Variants in MSRA observed in about 807,000 individuals in gnomAD.
MSRA encodes mitochondrial peptide methionine sulfoxide reductase.
In MSRA, 54 loss-of-function variants were observed where a neutral mutation model predicts 31.3. The ratio of observed to expected loss-of-function variants is 1.73; its 90% confidence interval spans 1.39 to 2.17. MSRA has a LOEUF of 2.17. Among genes scored for constraint, MSRA ranks in the 30% most tolerant of loss-of-function variants. The probability of loss-of-function intolerance (pLI) is 0.00; values close to 1 mark genes in which losing one functional copy is unlikely to be tolerated. For synonymous variants in MSRA, 169 were observed against 116.5 expected (o/e 1.45, Z -2.90); for missense variants, 507 against 300.9 (o/e 1.69, Z -5.07).
intron 1 of MSRA, among the ~76,000 whole-genome samples, chr8:10,110,169 A>G (rs1800178520): frequency 6.6e-6 from 1 of 152,312 alleles, no homozygotes; most frequent in South Asian, 2.1e-4. Flanking sequence ...TGTCCACGCT[A>G]ACACCATCAC....
chr8:10,334,488 A>G (rs1030570725), intron 5 of MSRA, among the ~76,000 whole-genome samples: 1 of 152,016 alleles, frequency 6.6e-6, no homozygotes, highest in Non-Finnish European at 1.5e-5. Context: ...AGAGTGAAGC[A>G]GGGTTTGCCG....
intron 5 of MSRA, among the ~76,000 whole-genome samples, chr8:10,360,527 C>G (rs1387192882): frequency 6.6e-6 from 1 of 152,174 alleles, no homozygotes. Flanking sequence ...ATCCCAGAGC[C>G]CCCCAGCAAG....
chr8:10,107,266 GT>G (rs530448541), intron 1 of MSRA, among the ~76,000 whole-genome samples: 1,474 of 145,918 alleles, frequency 0.01, 14 homozygotes, highest in African/African-American at 0.022. Flanking sequence ...TTTCATGAGT[GT>G]TTTTTTTTTT....
chr8:10,407,296 C>T (rs552645606), intron 5 of MSRA, among the ~76,000 whole-genome samples: 2 of 152,316 alleles, frequency 1.3e-5, no homozygotes, highest in South Asian at 4.1e-4. Context: ...ATCAGCTCCC[C>T]TGGGTCCTGG....
At chr8:10,405,042 G>A (rs1378031892) in intron 5 of MSRA, among the ~76,000 whole-genome samples, 1 of 152,194 alleles carries the variant, frequency 6.6e-6, no homozygotes, top group South Asian at 2.1e-4. Context: ...TCTGTTTCCC[G>A]GAGTGTGGTC....
chr8:10,151,284 AAAAAT>A (rs1803651997), intron 1 of MSRA, among the ~76,000 whole-genome samples: 1 of 150,950 alleles, frequency 6.6e-6, no homozygotes, highest in Non-Finnish European at 1.5e-5. Context: ...AAAAAAAAAA[AAAAAT>A]AAGGGCTTCC....
intron 1 of MSRA, among the ~76,000 whole-genome samples, chr8:10,197,732 G>A (rs1190206349): frequency 6.6e-6 from 1 of 152,166 alleles, no homozygotes; most frequent in Non-Finnish European, 1.5e-5. Flanking sequence ...AGCTTGCTCA[G>A]AAGCCCTCTC....
chr8:10,385,777 T>G, intron 5 of MSRA, among the ~76,000 whole-genome samples: 1 of 141,274 alleles, frequency 7.1e-6, no homozygotes, highest in African/African-American at 2.5e-5. Flanking sequence ...GCTGTGGGAG[T>G]GAACTGTGGA....
At chr8:10,402,510 C>G (rs748963294) in intron 5 of MSRA, among the ~76,000 whole-genome samples, 1 of 152,224 alleles carries the variant, frequency 6.6e-6, no homozygotes, top group Non-Finnish European at 1.5e-5. Context: ...ATTCCAATGA[C>G]GCAAGCATCC....
chr8:10,212,302 T>A (rs1281779653), intron 2 of MSRA, among the ~76,000 whole-genome samples: 1 of 152,038 alleles, frequency 6.6e-6, no homozygotes, highest in East Asian at 1.9e-4. Context: ...AATGAAATAA[T>A]GAGGGATAAA....
chr8:10,343,000 C>G (rs908408883), intron 5 of MSRA, among the ~76,000 whole-genome samples: 11 of 149,950 alleles, frequency 7.3e-5, no homozygotes, highest in African/African-American at 2.2e-4. Context: ...TGGAAAGGAA[C>G]TGGCATCTTG....
intron 1 of MSRA, 90 bp from the exon 2 acceptor site, chr8:10,207,742 AG>A: frequency 1.7e-6 from 2 of 1,200,014 alleles, no homozygotes; most frequent in Non-Finnish European, 2.3e-6. Context: ...AACTCAAAGG[AG>A]AAATAGGCTC....
At chr8:10,324,603 A>C (rs961357826) in intron 5 of MSRA, among the ~76,000 whole-genome samples, 6 of 152,178 alleles carry the variant, frequency 3.9e-5, no homozygotes, top group Non-Finnish European at 8.8e-5. Context: ...AGCTAAGTGG[A>C]CATCCATGCC....
chr8:10,237,991 C>T (rs1367465289), intron 2 of MSRA, among the ~76,000 whole-genome samples: 1 of 152,184 alleles, frequency 6.6e-6, no homozygotes, highest in Non-Finnish European at 1.5e-5. Context: ...TCCTCTCCCG[C>T]TCAAAACTCC....
At chr8:10,057,205 C>G (rs1250526773) in intron 1 of MSRA, among the ~76,000 whole-genome samples, 3 of 152,164 alleles carry the variant, frequency 2.0e-5, no homozygotes, top group Non-Finnish European at 4.4e-5. Flanking sequence ...GCCTCATTTG[C>G]AGCCTGCTGT....
intron 1 of MSRA, among the ~76,000 whole-genome samples, chr8:10,182,805 G>C (rs1485342374): frequency 2.0e-5 from 3 of 152,152 alleles, no homozygotes; most frequent in African/African-American, 7.2e-5. Context: ...GCACCAGAGA[G>C]AGTGTCCTAG....
intron 3 of MSRA, among the ~76,000 whole-genome samples, chr8:10,246,569 C>T (rs572681508): frequency 8.5e-5 from 13 of 152,170 alleles, no homozygotes; most frequent in South Asian, 4.2e-4. Flanking sequence ...GTGGAGGATG[C>T]GCTCAGCCCT....
chr8:10,270,354 T>C (rs2129099811), intron 3 of MSRA, among the ~76,000 whole-genome samples: 1 of 152,094 alleles, frequency 6.6e-6, no homozygotes, highest in Middle Eastern at 3.4e-3. Flanking sequence ...AAGGCTTCAT[T>C]TCTATTCGTT....
chr8:10,368,355 G>A (rs1173920065), intron 5 of MSRA, among the ~76,000 whole-genome samples: 1 of 152,216 alleles, frequency 6.6e-6, no homozygotes, highest in African/African-American at 2.4e-5. Context: ...CGAATAAGAT[G>A]TGCAGATAAG....
Sources: gnomAD v4.1 joint callset for allele counts (sites outside exome capture counted in the v4.1 genomes callset) on GRCh38, gnomAD v4.1.1 for gene constraint, MANE v1.5 for transcripts, NCBI Gene and HGNC (gene_info 2026-07-23, HGNC 2026-07-21) for gene names.